EYS: variants seen among roughly 807,000 people sequenced by gnomAD.
EYS encodes the protein EGF-like photoreceptor maintenance factor.
A neutral mutation model predicts 282.1 loss-of-function variants in EYS; 250 were observed. The ratio of observed to expected loss-of-function variants is 0.89; its 90% CI spans 0.80 to 0.98. The LOEUF is 0.98. Among genes scored for constraint, EYS ranks in the 50% least tolerant of loss-of-function variants. The pLI, the probability that EYS is intolerant of heterozygous loss-of-function variation, is 0.00. For synonymous variants in EYS, 1,355 were observed against 1,282.9 expected (o/e 1.06, Z -1.20); for missense variants, 4,016 against 3,709.0 (o/e 1.08, Z -2.15).
In EYS at chr6:63,895,682, T is replaced by C. The variant is rs182293981; in HGVS notation, c.7056-31324A>G. Among the ~76,000 whole-genome samples the C allele has an allele frequency of 9.5e-4, 144 of 152,176 alleles. 1 individual carries two copies. The East Asian group carries it at 0.013, about 13-fold the overall frequency. On this transcript the variant is annotated intron_variant, in intron 35 of 42. Coordinates refer to ENST00000503581, the MANE Select transcript of EYS (RefSeq NM_001142800.2). Reference sequence around the variant, plus strand: ...ATCACATACAGAGTAAAATATGGTCTCCCTTGCTTGCCTTACATACTATTT... The same window carrying C: ...ATCACATACAGAGTAAAATATGGTCCCCCTTGCTTGCCTTACATACTATTT...
At chr6:64,736,346 T>C (rs1772181211) in intron 22 of EYS, among the ~76,000 whole-genome samples, 1 of 152,110 alleles carries the variant, frequency 6.6e-6, no homozygotes, top group South Asian at 2.1e-4. Context: ...GAATGAACAA[T>C]GAGGAAACTA....
chr6:64,707,475 C>T (rs1045933168), intron 22 of EYS, among the ~76,000 whole-genome samples: 1 of 151,920 alleles, frequency 6.6e-6, no homozygotes, highest in Non-Finnish European at 1.5e-5. Flanking sequence ...CAAGACCATC[C>T]TGGCTAACAC....
intron 9 of EYS, among the ~76,000 whole-genome samples, chr6:65,349,863 C>T (rs184329373): frequency 1.5e-4 from 23 of 151,358 alleles, no homozygotes; most frequent in African/African-American, 4.8e-4. Flanking sequence ...TGTATGCATG[C>T]GCCTATACTA....
chr6:65,671,543 G>T (rs1205672999), intron 1 of EYS, among the ~76,000 whole-genome samples: 1 of 152,022 alleles, frequency 6.6e-6, no homozygotes, highest in Non-Finnish European at 1.5e-5. Flanking sequence ...AAAATATTAG[G>T]AATAAATTTT....
chr6:65,268,577 A>G (rs929853866), intron 12 of EYS, among the ~76,000 whole-genome samples: 1 of 152,090 alleles, frequency 6.6e-6, no homozygotes, highest in Non-Finnish European at 1.5e-5. Flanking sequence ...AGAATAATAG[A>G]AATGGTTATG....
intron 12 of EYS, among the ~76,000 whole-genome samples, chr6:65,100,138 T>C (rs973328850): frequency 6.6e-6 from 1 of 150,872 alleles, no homozygotes; most frequent in Non-Finnish European, 1.5e-5. Context: ...AGTAACCCTA[T>C]GACCTTTTGT....
intron 22 of EYS, among the ~76,000 whole-genome samples, chr6:64,725,116 T>G (rs1228276695): frequency 6.6e-6 from 1 of 152,094 alleles, no homozygotes; most frequent in Non-Finnish European, 1.5e-5. Flanking sequence ...CCATTTCTGG[T>G]CACAGATGGG....
At chr6:64,359,440 T>A (rs549789146) in intron 29 of EYS, among the ~76,000 whole-genome samples, 1 of 151,870 alleles carries the variant, frequency 6.6e-6, no homozygotes, top group Non-Finnish European at 1.5e-5. Flanking sequence ...GAAAATTCTG[T>A]ACCACTTGAA....
At chr6:64,529,519 C>A (rs930751750) in intron 26 of EYS, among the ~76,000 whole-genome samples, 2 of 151,910 alleles carry the variant, frequency 1.3e-5, no homozygotes, top group Non-Finnish European at 1.5e-5. Flanking sequence ...TAAATAAATG[C>A]TTTTTCATTA....
At chr6:65,698,932 T>C (rs764343800) in intron 1 of EYS, among the ~76,000 whole-genome samples, 1 of 152,186 alleles carries the variant, frequency 6.6e-6, no homozygotes, top group Non-Finnish European at 1.5e-5. Context: ...ACAATTACTT[T>C]TCTAAACTGA....
intron 29 of EYS, among the ~76,000 whole-genome samples, chr6:64,311,006 A>ATATAAT (rs1769676841): frequency 6.6e-6 from 1 of 152,066 alleles, no homozygotes; most frequent in East Asian, 1.9e-4. Flanking sequence ...GATAGTTGAT[A>ATATAAT]GTAGATACTG....
intron 41 of EYS, among the ~76,000 whole-genome samples, chr6:63,741,304 C>T: frequency 6.6e-6 from 1 of 151,914 alleles, no homozygotes; most frequent in East Asian, 1.9e-4. Flanking sequence ...CATTAACTGG[C>T]CAATACCATC....
intron 1 of EYS, among the ~76,000 whole-genome samples, chr6:65,706,458 T>C (rs1312634646): frequency 6.6e-6 from 1 of 152,082 alleles, no homozygotes; most frequent in Non-Finnish European, 1.5e-5. Flanking sequence ...ACTGGTAGTG[T>C]ATTAATAAGG....
At chr6:64,579,832 G>A (rs1285613626) in intron 26 of EYS, among the ~76,000 whole-genome samples, 1 of 152,000 alleles carries the variant, frequency 6.6e-6, no homozygotes, top group Non-Finnish European at 1.5e-5. Context: ...CACTATACTG[G>A]CCGGTTACTT....
chr6:63,905,751 T>A lies in EYS; in HGVS notation c.7056-41393A>T, dbSNP rs1359942559. On this transcript the variant is annotated intron_variant, in intron 35 of 42. Transcript: ENST00000503581. ...AGTGGACTAGAATTTGCCTGTCGAT[T>A]TTGATCTTTACACTGATTCCAACCA... Among the ~76,000 whole-genome samples the A allele has an allele frequency of 2.0e-5, 3 of 152,230 alleles. No homozygotes were observed. In the East Asian group the frequency reaches 5.8e-4, roughly 29 times the overall value.
intron 1 of EYS, among the ~76,000 whole-genome samples, chr6:65,658,884 T>C (rs1477959675): frequency 2.0e-5 from 3 of 151,492 alleles, no homozygotes; most frequent in Admixed American, 6.6e-5. Context: ...GTATCTCATA[T>C]AGCAAGCATT....
intron 36 of EYS, among the ~76,000 whole-genome samples, chr6:63,848,516 G>A (rs191427672): frequency 2.0e-4 from 31 of 151,886 alleles, no homozygotes; most frequent in Middle Eastern, 6.8e-3. Flanking sequence ...GTTAGACAGT[G>A]GGTGCAGTCC....
chr6:65,538,681 A>T (rs1258607312), intron 2 of EYS, among the ~76,000 whole-genome samples: 2 of 152,164 alleles, frequency 1.3e-5, no homozygotes, highest in East Asian at 3.9e-4. Context: ...ATCCATTCAA[A>T]CACTAAAATA....
At chr6:64,867,999 C>A (rs1442824761) in intron 19 of EYS, among the ~76,000 whole-genome samples, 2 of 151,268 alleles carry the variant, frequency 1.3e-5, no homozygotes, top group African/African-American at 4.8e-5. Context: ...CCTTGTATAT[C>A]ATTTAGAAGA....
Sources: allele counts gnomAD v4.1 joint callset (sites outside exome capture counted in the v4.1 genomes callset), GRCh38; gene constraint gnomAD v4.1.1; transcripts MANE v1.5; gene names NCBI Gene and HGNC (gene_info 2026-07-23, HGNC 2026-07-21).